The following WWOX variants were observed in gnomAD, a reference collection of about 807,000 sequenced individuals.
WWOX encodes WW domain containing oxidoreductase, also known as WW domain-containing oxidoreductase.
WWOX carries 69 observed loss-of-function variants against 46.2 expected under a neutral mutation model. That is an observed-to-expected ratio of 1.49 (90% CI 1.23 to 1.82). The LOEUF (loss-of-function observed/expected upper bound fraction) is 1.82, where lower values mean the gene tolerates loss of function less well. Among genes scored for constraint, WWOX ranks in the 40% most tolerant of loss-of-function variants. The pLI, the probability that WWOX is intolerant of heterozygous loss-of-function variation, is 0.00. For synonymous variants in WWOX, 359 were observed against 202.6 expected (o/e 1.77, Z -6.56); for missense variants, 919 against 542.6 (o/e 1.69, Z -6.89).
intron 8 of WWOX, among the ~76,000 whole-genome samples, chr16:78,976,651 G>T: frequency 6.6e-6 from 1 of 152,290 alleles, no homozygotes; most frequent in East Asian, 1.9e-4. Context: ...CCATCTCTTG[G>T]ATTAATGTGA....
At position 79,169,565 on chromosome 16, in the gene WWOX, C is replaced by G. The variant is rs113313520; in HGVS notation, c.1057-42043C>G. 9.3e-3 allele frequency among the ~76,000 whole-genome samples: 1,413 copies of G among 152,292 alleles called. 10 individuals carry two copies. Among genetic ancestry groups the G allele is most frequent in the African/African-American group, 0.014 (590 of 41,562 alleles). ...GGGTAAAGTCCCCAGCACCCAGAAT[C>G]AAGGATGGGGAAGAGGAATTTTGAG... On this transcript the variant is annotated intron_variant, in intron 8 of 8. Transcript: ENST00000566780.
chr16:78,691,877 G>A (rs1438082392), intron 8 of WWOX, among the ~76,000 whole-genome samples: 1 of 152,182 alleles, frequency 6.6e-6, no homozygotes, highest in Non-Finnish European at 1.5e-5. Context: ...GTTGTGGGAG[G>A]GACCCAGGGG....
intron 8 of WWOX, among the ~76,000 whole-genome samples, chr16:78,888,076 A>G (rs1308551758): frequency 1.3e-5 from 2 of 152,192 alleles, no homozygotes; most frequent in Admixed American, 1.3e-4. Context: ...TGAATATTTT[A>G]TTTCTTAATG....
chr16:78,847,572 G>A (rs999253204), intron 8 of WWOX, among the ~76,000 whole-genome samples: 1 of 151,900 alleles, frequency 6.6e-6, no homozygotes, highest in Non-Finnish European at 1.5e-5. Context: ...GGGCTCAAGC[G>A]ATTCTCCCGC....
chr16:78,284,575 C>G (rs1270938018), intron 5 of WWOX, among the ~76,000 whole-genome samples: 1 of 152,194 alleles, frequency 6.6e-6, no homozygotes, highest in South Asian at 2.1e-4. Context: ...TGGACACAGT[C>G]TCATCTTTGA....
At chr16:78,672,290 A>C (rs2047483639) in intron 8 of WWOX, among the ~76,000 whole-genome samples, 1 of 152,182 alleles carries the variant, frequency 6.6e-6, no homozygotes, top group Non-Finnish European at 1.5e-5. Flanking sequence ...ATGCAAATGC[A>C]AGCAGGGGCA....
At chr16:78,638,189 G>C (rs1390696457) in intron 8 of WWOX, among the ~76,000 whole-genome samples, 1 of 152,194 alleles carries the variant, frequency 6.6e-6, no homozygotes, top group Non-Finnish European at 1.5e-5. Context: ...TAAAAAACAG[G>C]AATGCTCGAT....
chr16:78,315,777 C>G lies in WWOX; in HGVS notation c.517-71083C>G, dbSNP rs1162602047. On this transcript the variant is annotated intron_variant, in intron 5 of 8. Transcript: ENST00000566780. ...CCTTACAATGACTCCATGTTATCGC[C>G]ATTTTCAGATGGGTAACTCAGGTAG... Among the ~76,000 whole-genome samples, 4 of 152,112 alleles carry G rather than the reference C, an allele frequency of 2.6e-5. No homozygotes were observed. The East Asian group carries it at 7.7e-4, about 29-fold the overall frequency.
chr16:79,191,418 T>G (rs1381792790), intron 8 of WWOX, among the ~76,000 whole-genome samples: 1 of 151,948 alleles, frequency 6.6e-6, no homozygotes, highest in African/African-American at 2.4e-5. Context: ...AGGACATGGA[T>G]TCTATTAAAT....
intron 5 of WWOX, among the ~76,000 whole-genome samples, chr16:78,194,832 T>G (rs2151767478): frequency 6.6e-6 from 1 of 152,300 alleles, no homozygotes; most frequent in East Asian, 1.9e-4. Context: ...ACTCTTTTTA[T>G]TCTTAGCACT....
chr16:78,542,192 A>G (rs540545849), intron 8 of WWOX, among the ~76,000 whole-genome samples: 1 of 152,070 alleles, frequency 6.6e-6, no homozygotes, highest in Non-Finnish European at 1.5e-5. Flanking sequence ...ATTGTTCATC[A>G]GGTGTATCTC....
At chr16:78,839,149 C>G (rs1597701423) in intron 8 of WWOX, among the ~76,000 whole-genome samples, 1 of 152,104 alleles carries the variant, frequency 6.6e-6, no homozygotes, top group Non-Finnish European at 1.5e-5. Context: ...TCATTAAAAT[C>G]AAATAACTGC....
chr16:78,987,458 C>T (rs578152796), intron 8 of WWOX, among the ~76,000 whole-genome samples: 40 of 152,276 alleles, frequency 2.6e-4, no homozygotes, highest in African/African-American at 9.4e-4. Flanking sequence ...TTTTTTCTAG[C>T]AACTCTCGAG....
In WWOX at chr16:79,003,205, C is replaced by G. The variant is rs115274667; in HGVS notation, c.1057-208403C>G. 4.1e-3 allele frequency among the ~76,000 whole-genome samples: 625 copies of G among 152,310 alleles called. 5 individuals carry two copies. The highest frequency in any genetic ancestry group is 0.013 in the African/African-American group (531 of 41,560). On this transcript the variant is annotated intron_variant, in intron 8 of 8. Transcript: ENST00000566780. ...ATAAAACTAAGTGCTTAGTGAGAAT[C>G]AGACATGGATAAGCTGCTTGTAATT...
intron 8 of WWOX, among the ~76,000 whole-genome samples, chr16:78,590,785 C>G (rs1279590593): frequency 1.3e-5 from 2 of 152,106 alleles, no homozygotes; most frequent in Non-Finnish European, 2.9e-5. Context: ...TTTGCAAGAC[C>G]TAATTTCTAG....
intron 8 of WWOX, chr16:78,899,581 C>T (rs546932559): frequency 5.9e-5 from 9 of 152,284 alleles, no homozygotes; most frequent in African/African-American, 2.2e-4. Context: ...AAACACTCAT[C>T]CTGAACAACG....
chr16:78,789,119 CGT>C (rs1285060689), intron 8 of WWOX, among the ~76,000 whole-genome samples: 1 of 152,022 alleles, frequency 6.6e-6, no homozygotes, highest in Non-Finnish European at 1.5e-5. Flanking sequence ...AGGTCATGAA[CGT>C]TTACCTCTGT....
intron 6 of WWOX, 81 bp from the exon 7 acceptor site, chr16:78,424,789 C>A: frequency 1.3e-6 from 2 of 1,485,064 alleles, no homozygotes; most frequent in Non-Finnish European, 1.9e-6. Context: ...ATGTCCACAT[C>A]ACGTGGATTC....
chr16:78,683,776 T>C (rs542771619), intron 8 of WWOX, among the ~76,000 whole-genome samples: 1 of 152,156 alleles, frequency 6.6e-6, no homozygotes, highest in South Asian at 2.1e-4. Flanking sequence ...TATCCAACAG[T>C]CGTGATTTAG....
Sources: allele counts gnomAD v4.1 joint callset (sites outside exome capture counted in the v4.1 genomes callset), GRCh38; gene constraint gnomAD v4.1.1; transcripts MANE v1.5; gene names NCBI Gene and HGNC (gene_info 2026-07-23, HGNC 2026-07-21).